Variants in SRD5A2 observed in about 807,000 individuals in gnomAD.
SRD5A2 encodes 3-oxo-5-alpha-steroid 4-dehydrogenase 2.
SRD5A2 carries 30 observed loss-of-function variants against 27.4 expected under a neutral mutation model. That is an observed-to-expected ratio of 1.10 (90% CI 0.82 to 1.49). SRD5A2 has a LOEUF of 1.49. Among genes scored for constraint, SRD5A2 ranks in the 40% most tolerant of loss-of-function variants. SRD5A2 has a pLI of 0.00. For missense variants in SRD5A2, 348 were observed against 323.4 expected (o/e 1.08, Z -0.58); for synonymous variants, 141 against 133.6 (o/e 1.06, Z -0.38).
At chr2:31,596,298 G>A in the SRD5A2 span, among the ~76,000 whole-genome samples, 3 of 146,614 alleles carry the variant, frequency 2.0e-5, no homozygotes, top group Admixed American at 2.1e-4. Flanking sequence ...TGAGACAGGA[G>A]AATCACTTGA....
At chr2:31,597,650 T>C in the SRD5A2 span, among the ~76,000 whole-genome samples, 6 of 152,076 alleles carry the variant, frequency 3.9e-5, no homozygotes, top group African/African-American at 1.4e-4. Flanking sequence ...AGGACATGAT[T>C]AGACAATTTT....
the SRD5A2 span, among the ~76,000 whole-genome samples, chr2:31,624,013 TA>T: frequency 6.6e-6 from 1 of 152,174 alleles, no homozygotes; most frequent in African/African-American, 2.4e-5. Context: ...GCCAGTATTT[TA>T]TTGAGGATTT....
At chr2:31,642,752 A>T in the SRD5A2 span, among the ~76,000 whole-genome samples, 2 of 152,078 alleles carry the variant, frequency 1.3e-5, no homozygotes, top group Admixed American at 6.6e-5. Context: ...ACCTAAAACT[A>T]TAAACAACCC....
intron 1 of SRD5A2, among the ~76,000 whole-genome samples, chr2:31,539,513 C>T (rs1415356234): frequency 6.6e-6 from 1 of 152,178 alleles, no homozygotes; most frequent in Non-Finnish European, 1.5e-5. Flanking sequence ...ACTCTAACCC[C>T]TTGCCAGGCT....
chr2:31,598,216 A>G, the SRD5A2 span, among the ~76,000 whole-genome samples: 7 of 152,108 alleles, frequency 4.6e-5, no homozygotes, highest in Non-Finnish European at 1.0e-4. Context: ...CAAGCATTGT[A>G]TGTTCTCACT....
chr2:31,620,608 G>A, the SRD5A2 span, among the ~76,000 whole-genome samples: 1 of 151,616 alleles, frequency 6.6e-6, no homozygotes, highest in East Asian at 1.9e-4. Context: ...TATCTCCAAG[G>A]TGCCTACATT....
the SRD5A2 span, among the ~76,000 whole-genome samples, chr2:31,635,338 G>T: frequency 6.6e-6 from 1 of 152,042 alleles, no homozygotes; most frequent in Admixed American, 6.6e-5. Context: ...TTGGCCATTT[G>T]TATATCTTCT....
chr2:31,547,882 G>T (rs28836273), intron 1 of SRD5A2, among the ~76,000 whole-genome samples: 1 of 149,042 alleles, frequency 6.7e-6, no homozygotes, highest in Non-Finnish European at 1.5e-5. Flanking sequence ...TAGATAGATA[G>T]ATATAGATAT....
At chr2:31,644,903 A>C in the SRD5A2 span, among the ~76,000 whole-genome samples, 1 of 152,340 alleles carries the variant, frequency 6.6e-6, no homozygotes, top group Non-Finnish European at 1.5e-5. Context: ...AGGAAAAATT[A>C]ATATTCATAA....
chr2:31,616,648 A>G, the SRD5A2 span, among the ~76,000 whole-genome samples: 1 of 151,998 alleles, frequency 6.6e-6, no homozygotes, highest in South Asian at 2.1e-4. Flanking sequence ...CTGTACCCCC[A>G]CTGTATCTAG....
At chr2:31,596,569 T>C in the SRD5A2 span, among the ~76,000 whole-genome samples, 1 of 151,964 alleles carries the variant, frequency 6.6e-6, no homozygotes, top group African/African-American at 2.4e-5. Context: ...TTGCTGATGA[T>C]ATAATCACAT....
chr2:31,543,403 G>A (rs1217573338), intron 1 of SRD5A2, among the ~76,000 whole-genome samples: 1 of 151,908 alleles, frequency 6.6e-6, no homozygotes, highest in African/African-American at 2.4e-5. Context: ...TGTAAAAGGT[G>A]GTATTATTAT....
the SRD5A2 span, among the ~76,000 whole-genome samples, chr2:31,586,561 T>A: frequency 2.3e-5 from 1 of 43,660 alleles, no homozygotes; most frequent in African/African-American, 9.8e-5. Context: ...ACAGAGGGAC[T>A]CTGTTTGGGA....
chr2:31,545,802 T>A (rs1219459527), intron 1 of SRD5A2, among the ~76,000 whole-genome samples: 1 of 152,162 alleles, frequency 6.6e-6, no homozygotes, highest in Non-Finnish European at 1.5e-5. Context: ...TGATCATGTG[T>A]CTAGAACACT....
chr2:31,547,371 T>C (rs4141419), intron 1 of SRD5A2, among the ~76,000 whole-genome samples: 30,349 of 152,138 alleles, frequency 0.2, 4,691 homozygotes, highest in African/African-American at 0.43. Context: ...TAGCATTTGA[T>C]TCTAATGATT....
chr2:31,630,315 G>A, the SRD5A2 span, among the ~76,000 whole-genome samples: 1 of 152,086 alleles, frequency 6.6e-6, no homozygotes, highest in Non-Finnish European at 1.5e-5. Flanking sequence ...GAGAGACAGA[G>A]AGAGAGAGAG....
intron 4 of SRD5A2, among the ~76,000 whole-genome samples, chr2:31,527,307 G>T (rs1470576445): frequency 6.6e-6 from 1 of 152,172 alleles, no homozygotes; most frequent in Non-Finnish European, 1.5e-5. Flanking sequence ...CTGTATTAAA[G>T]TACCTTAGTT....
intron 1 of SRD5A2, among the ~76,000 whole-genome samples, chr2:31,566,096 A>G (rs553269560): frequency 6.6e-6 from 1 of 152,052 alleles, no homozygotes; most frequent in Non-Finnish European, 1.5e-5. Context: ...ACTAAATAAC[A>G]CCCTTCTAAA....
At chr2:31,624,345 ACTT>A in the SRD5A2 span, among the ~76,000 whole-genome samples, 11 of 151,568 alleles carry the variant, frequency 7.3e-5, no homozygotes, top group Admixed American at 2.0e-4. Flanking sequence ...TGTTTTTTTA[ACTT>A]CTTTTTTTAA....
Sources: allele counts gnomAD v4.1 joint callset (sites outside exome capture counted in the v4.1 genomes callset), GRCh38; gene constraint gnomAD v4.1.1; transcripts MANE v1.5; gene names NCBI Gene and HGNC (gene_info 2026-07-23, HGNC 2026-07-21).